NLGN1: variants seen among roughly 807,000 people sequenced by gnomAD.
The protein encoded by NLGN1 is neuroligin-1.
In NLGN1, 12 loss-of-function variants were observed where a neutral mutation model predicts 65.5. That is an observed-to-expected ratio of 0.18 (90% CI 0.12 to 0.30). The LOEUF is 0.30. Ranked by LOEUF, NLGN1 falls within the 10% of genes least tolerant of loss-of-function variation. The pLI, the probability that NLGN1 is intolerant of heterozygous loss-of-function variation, is 1.00. For synonymous variants in NLGN1, 350 were observed against 359.5 expected, an observed-to-expected ratio of 0.97 and a Z score of 0.30; for missense variants, 750 against 1,007.1, an observed-to-expected ratio of 0.74 and a Z score of 3.46.
At chr3:173,849,025 A>G (rs1374786726) in intron 4 of NLGN1, among the ~76,000 whole-genome samples, 1 of 152,160 alleles carries the variant, frequency 6.6e-6, no homozygotes, top group African/African-American at 2.4e-5. Flanking sequence ...TCTAAAATCC[A>G]TCAGATATGT....
At chr3:173,607,981 A>T (rs1384080989) in intron 3 of NLGN1, among the ~76,000 whole-genome samples, 1 of 151,852 alleles carries the variant, frequency 6.6e-6, no homozygotes, top group Non-Finnish European at 1.5e-5. Context: ...TATTGTATTC[A>T]TGCAAAACTA....
intron 2 of NLGN1, among the ~76,000 whole-genome samples, chr3:173,533,990 AAAAG>A (rs1449903000): frequency 6.6e-6 from 1 of 152,186 alleles, no homozygotes; most frequent in Admixed American, 6.5e-5. Context: ...TCAAAAAAAG[AAAAG>A]AAAGGCTTTG....
chr3:173,896,015 T>C lies in NLGN1; in HGVS notation c.646+88183T>C, dbSNP rs191213009. Reference sequence around the variant, plus strand: ...TCCCCACACCTGGCCTCAATGACTATACTTTTCCTATCAACTTGAGTCTCT... The same window carrying C: ...TCCCCACACCTGGCCTCAATGACTACACTTTTCCTATCAACTTGAGTCTCT... On this transcript the variant is annotated intron_variant, in intron 4 of 6. Transcript: ENST00000457714. 4.6e-5 allele frequency among the ~76,000 whole-genome samples: 7 copies of C among 152,258 alleles called. No homozygotes were observed. In the East Asian group the frequency reaches 1.4e-3, roughly 29 times the overall value.
At chr3:173,933,085 A>G (rs1407467138) in intron 4 of NLGN1, among the ~76,000 whole-genome samples, 1 of 152,166 alleles carries the variant, frequency 6.6e-6, no homozygotes, top group Non-Finnish European at 1.5e-5. Flanking sequence ...AGAAAACCTT[A>G]AGAGAAAGTA....
chr3:173,622,845 G>A lies in NLGN1; in HGVS notation c.493+17754G>A, dbSNP rs151087646. On this transcript the variant is annotated intron_variant, in intron 3 of 6. Transcript: ENST00000457714. ...TAATTATTTATTGTTTGATATTTCC[G>A]AAAGAACAAAATTACTAACTGACCC... Among the ~76,000 whole-genome samples the A allele has an allele frequency of 3.0e-3, 463 of 152,096 alleles. 1 individual carries two copies. Among genetic ancestry groups the A allele is most frequent in the African/African-American group, 9.5e-3 (395 of 41,508 alleles).
intron 3 of NLGN1, among the ~76,000 whole-genome samples, chr3:173,691,636 G>A (rs1765476360): frequency 6.6e-6 from 1 of 152,126 alleles, no homozygotes; most frequent in East Asian, 1.9e-4. Context: ...AGACCTTAGA[G>A]GTCCTGCCTA....
At chr3:174,136,397 A>G (rs891154596) in intron 4 of NLGN1, 1 of 152,156 alleles carries the variant, frequency 6.6e-6, no homozygotes, top group African/African-American at 2.4e-5. Flanking sequence ...ATTGGGACTT[A>G]GGTCATTGTT....
At chr3:173,954,271 A>G (rs143195718) in intron 4 of NLGN1, among the ~76,000 whole-genome samples, 23 of 152,188 alleles carry the variant, frequency 1.5e-4, no homozygotes, top group African/African-American at 4.8e-4. Flanking sequence ...TATGCATTCT[A>G]TAGCAAAACT....
intron 2 of NLGN1, among the ~76,000 whole-genome samples, chr3:173,493,608 A>G (rs1729527789): frequency 6.6e-6 from 1 of 151,854 alleles, no homozygotes; most frequent in Non-Finnish European, 1.5e-5. Context: ...TTCAGTGTTA[A>G]CAGCAAACAC....
intron 4 of NLGN1, among the ~76,000 whole-genome samples, chr3:174,117,215 C>CAA (rs369227549): frequency 2.2e-5 from 3 of 137,042 alleles, no homozygotes. Context: ...AGGCATCTAT[C>CAA]AAAAAAAAAA....
intron 4 of NLGN1, among the ~76,000 whole-genome samples, chr3:174,155,633 C>G (rs1236841346): frequency 6.6e-6 from 1 of 151,100 alleles, no homozygotes; most frequent in African/African-American, 2.4e-5. Context: ...CATTTTCAGA[C>G]AAAAGAAATG....
intron 4 of NLGN1, among the ~76,000 whole-genome samples, chr3:173,824,906 T>C (rs1055150371): frequency 1.3e-5 from 2 of 152,092 alleles, no homozygotes; most frequent in Admixed American, 6.6e-5. Flanking sequence ...ACTAGAAATA[T>C]CTTTCATTGA....
intron 4 of NLGN1, among the ~76,000 whole-genome samples, chr3:173,821,756 A>G (rs1185373127): frequency 1.3e-5 from 2 of 152,186 alleles, no homozygotes; most frequent in African/African-American, 2.4e-5. Flanking sequence ...ATCTGCATCT[A>G]TATGAGAAAA....
intron 5 of NLGN1, among the ~76,000 whole-genome samples, chr3:174,276,981 G>A (rs149279187): frequency 2.0e-5 from 3 of 151,874 alleles, no homozygotes; most frequent in East Asian, 2.0e-4. Context: ...AGTATCAAAC[G>A]GGCATTGGTT....
intron 3 of NLGN1, among the ~76,000 whole-genome samples, chr3:173,680,605 A>G (rs1763820773): frequency 6.6e-6 from 1 of 152,188 alleles, no homozygotes; most frequent in African/African-American, 2.4e-5. Context: ...AAGTAGCAAG[A>G]TGGAACAAGG....
At chr3:174,266,318 C>G (rs1400496306) in intron 4 of NLGN1, among the ~76,000 whole-genome samples, 1 of 152,092 alleles carries the variant, frequency 6.6e-6, no homozygotes, top group African/African-American at 2.4e-5. Context: ...ATTCTGTTTT[C>G]TGCTCTTGTG....
At chr3:173,397,113 T>C (rs1357199200), upstream of NLGN1, among the ~76,000 whole-genome samples, 2 of 152,118 alleles carry the variant, frequency 1.3e-5, no homozygotes, top group Non-Finnish European at 2.9e-5. Flanking sequence ...TTTTAAGCGT[T>C]GGGGTTCATG....
chr3:174,081,296 G>C (rs1216970342), intron 4 of NLGN1, among the ~76,000 whole-genome samples: 1 of 152,144 alleles, frequency 6.6e-6, no homozygotes, highest in Non-Finnish European at 1.5e-5. Context: ...CATTTAGGCT[G>C]CTATAACAAA....
intron 2 of NLGN1, among the ~76,000 whole-genome samples, chr3:173,539,353 T>G: frequency 6.7e-6 from 1 of 149,762 alleles, no homozygotes; most frequent in East Asian, 2.0e-4. Context: ...TTTCAGGATC[T>G]GTTTGGGCTC....
Sources: gnomAD v4.1 joint callset for allele counts (sites outside exome capture counted in the v4.1 genomes callset) on GRCh38, gnomAD v4.1.1 for gene constraint, MANE v1.5 for transcripts, NCBI Gene and HGNC (gene_info 2026-07-23, HGNC 2026-07-21) for gene names.